SNTG1: variants seen among roughly 807,000 people sequenced by gnomAD.
SNTG1 encodes syntrophin gamma 1.
A neutral mutation model predicts 74.7 loss-of-function variants in SNTG1; 39 were observed. The observed-to-expected ratio is 0.52, with a 90% CI of 0.40 to 0.68. The LOEUF (loss-of-function observed/expected upper bound fraction) is 0.68. SNTG1 is among the 30% of genes least tolerant of loss of function. SNTG1 has a pLI of 0.00. For synonymous variants in SNTG1, 254 were observed against 217.1 expected (o/e 1.17, Z -1.49); for missense variants, 685 against 609.5 (o/e 1.12, Z -1.30).
At chr8:50,556,336 T>C (rs2094455414) in intron 12 of SNTG1, among the ~76,000 whole-genome samples, 1 of 152,034 alleles carries the variant, frequency 6.6e-6, no homozygotes, top group African/African-American at 2.4e-5. Flanking sequence ...TGTTGTGGGG[T>C]GGGTGGGGTT....
intron 1 of SNTG1, among the ~76,000 whole-genome samples, chr8:50,133,489 G>C (rs75844537): frequency 6.6e-6 from 1 of 151,968 alleles, no homozygotes. Flanking sequence ...GGCTCCCTAG[G>C]GCTGCCATAA....
intron 8 of SNTG1, among the ~76,000 whole-genome samples, chr8:50,455,479 C>A (rs1226834337): frequency 1.3e-5 from 2 of 152,072 alleles, no homozygotes; most frequent in African/African-American, 2.4e-5. Flanking sequence ...CTACATAATT[C>A]TAAAAGAACA....
intron 4 of SNTG1, among the ~76,000 whole-genome samples, chr8:50,421,522 A>G (rs2093087287): frequency 6.6e-6 from 1 of 152,130 alleles, no homozygotes; most frequent in Admixed American, 6.6e-5. Flanking sequence ...AACCTATTCC[A>G]TCAGCAAGAC....
At chr8:50,253,187 G>A (rs1414432998) in intron 2 of SNTG1, among the ~76,000 whole-genome samples, 1 of 152,140 alleles carries the variant, frequency 6.6e-6, no homozygotes, top group Non-Finnish European at 1.5e-5. Flanking sequence ...ACTTTGGGAG[G>A]CTGAGGTGGG....
intron 1 of SNTG1, among the ~76,000 whole-genome samples, chr8:49,981,064 G>A (rs1022574694): frequency 1.3e-5 from 2 of 152,172 alleles, no homozygotes; most frequent in African/African-American, 4.8e-5. Context: ...ATGCAGATGA[G>A]TGTCTAACAT....
chr8:50,069,107 G>A (rs1021691152), intron 1 of SNTG1, among the ~76,000 whole-genome samples: 9 of 152,148 alleles, frequency 5.9e-5, no homozygotes, highest in African/African-American at 2.2e-4. Context: ...AAAGCTAGAT[G>A]CTAGGGTGAC....
chr8:50,624,827 C>T (rs1349001331), intron 13 of SNTG1, among the ~76,000 whole-genome samples: 1 of 152,076 alleles, frequency 6.6e-6, no homozygotes, highest in Non-Finnish European at 1.5e-5. Flanking sequence ...GACAAGAAGT[C>T]AAGTTCCAAC....
At chr8:50,488,182 G>A (rs1200931003) in intron 8 of SNTG1, among the ~76,000 whole-genome samples, 1 of 152,134 alleles carries the variant, frequency 6.6e-6, no homozygotes, top group Non-Finnish European at 1.5e-5. Context: ...GAAGTTGATA[G>A]ATGATGATCA....
intron 1 of SNTG1, among the ~76,000 whole-genome samples, chr8:49,934,174 G>A (rs1475761348): frequency 6.6e-6 from 1 of 151,854 alleles, no homozygotes; most frequent in Non-Finnish European, 1.5e-5. Context: ...GTCTTTATAA[G>A]GTATACCTTA....
rs544125656 is a variant in SNTG1 at position 50,373,786 on chromosome 8, A to G, written c.-27-20426A>G. ...CTTAATTCCATATCTGTTCATGGTG[A>G]CAATAACTGTGAAGTCACCTGGGCT... On this transcript the variant is annotated intron_variant, in intron 2 of 18. Transcript: ENST00000642720. Among the ~76,000 whole-genome samples the G allele has an allele frequency of 1.4e-3, 212 of 152,242 alleles. 1 individual carries two copies. Among genetic ancestry groups the G allele is most frequent in the African/African-American group, 4.9e-3 (204 of 41,552 alleles).
At position 50,474,566 on chromosome 8, in the gene SNTG1, A is replaced by G. The variant is rs373065193; in HGVS notation, c.363+23837A>G. Among the ~76,000 whole-genome samples, 5 of 152,008 alleles carry G rather than the reference A, an allele frequency of 3.3e-5. No individual in the cohort carries two copies. The East Asian group carries it at 7.7e-4, about 24-fold the overall frequency. ...CAGTTAGAATGGCGATCATTAAAAAATCAGGAAACAACAGGTGCTGGAGAG... is the reference window on the plus strand; with the variant it reads ...CAGTTAGAATGGCGATCATTAAAAAGTCAGGAAACAACAGGTGCTGGAGAG... On this transcript the variant is annotated intron_variant, in intron 8 of 18. Transcript: ENST00000642720.
At chr8:50,103,457 T>C (rs2080230836) in intron 1 of SNTG1, among the ~76,000 whole-genome samples, 2 of 152,232 alleles carry the variant, frequency 1.3e-5, no homozygotes, top group Non-Finnish European at 2.9e-5. Flanking sequence ...AAGGAGATTT[T>C]GGGCTGAGAT....
At chr8:50,331,216 T>G (rs962100724) in intron 2 of SNTG1, among the ~76,000 whole-genome samples, 2 of 152,114 alleles carry the variant, frequency 1.3e-5, no homozygotes, top group Admixed American at 6.5e-5. Flanking sequence ...CAGACACATG[T>G]GGTACGCTTG....
At chr8:50,575,314 G>T (rs577620027) in intron 12 of SNTG1, among the ~76,000 whole-genome samples, 63 of 152,262 alleles carry the variant, frequency 4.1e-4, no homozygotes, top group African/African-American at 1.3e-3. Context: ...CTACTGAAAT[G>T]ACCTTCTTTG....
At chr8:50,751,635 G>A (rs1382447621) in intron 17 of SNTG1, among the ~76,000 whole-genome samples, 3 of 151,992 alleles carry the variant, frequency 2.0e-5, no homozygotes, top group African/African-American at 7.2e-5. Flanking sequence ...AAGGTTATTA[G>A]TTGAGCTTCA....
chr8:50,412,338 C>T (rs1170160371), intron 4 of SNTG1, among the ~76,000 whole-genome samples: 1 of 152,036 alleles, frequency 6.6e-6, no homozygotes, highest in Non-Finnish European at 1.5e-5. Context: ...CTGTGGGGCA[C>T]TAAAGGTGAC....
chr8:50,586,306 T>A (rs117479957), intron 12 of SNTG1, among the ~76,000 whole-genome samples: 2,700 of 152,304 alleles, frequency 0.018, 38 homozygotes, highest in Middle Eastern at 0.031. Flanking sequence ...ATTATTGATG[T>A]TTTACAAATG....
intron 1 of SNTG1, among the ~76,000 whole-genome samples, chr8:50,077,789 G>A (rs1822027713): frequency 6.6e-6 from 1 of 152,110 alleles, no homozygotes; most frequent in Non-Finnish European, 1.5e-5. Flanking sequence ...TTGCCTAAAT[G>A]AATATCATAA....
intron 3 of SNTG1, 49 bp from the exon 4 acceptor site, chr8:50,402,161 T>C: frequency 2.6e-6 from 4 of 1,568,018 alleles, no homozygotes; most frequent in Non-Finnish European, 3.4e-6. Flanking sequence ...TTACAACCTA[T>C]AAACTAAGTA....
Sources: gnomAD v4.1 joint callset for allele counts (sites outside exome capture counted in the v4.1 genomes callset) on GRCh38, gnomAD v4.1.1 for gene constraint, MANE v1.5 for transcripts, NCBI Gene and HGNC (gene_info 2026-07-23, HGNC 2026-07-21) for gene names.